Variants in PPFIBP1 observed in about 807,000 individuals in gnomAD.
PPFIBP1 encodes the protein PPFIB scaffold protein 1.
PPFIBP1 carries 112 observed loss-of-function variants against 137.8 expected under a neutral mutation model. That is an observed-to-expected ratio of 0.81 (90% confidence interval 0.70 to 0.95). PPFIBP1 has a LOEUF of 0.95. Among genes scored for constraint, PPFIBP1 ranks in the 40% least tolerant of loss-of-function variants. The pLI, the probability that PPFIBP1 is intolerant of heterozygous loss-of-function variation, is 0.00. For synonymous variants in PPFIBP1, 378 were observed against 417.3 expected (o/e 0.91, Z 1.15); for missense variants, 1,083 against 1,196.6 (o/e 0.91, Z 1.40).
rs765356805 is a variant in PPFIBP1, at chr12:27,664,327, A to G, written c.907-35A>G. 6 of 1,359,318 alleles carry G rather than the reference A, an allele frequency of 4.4e-6. No homozygotes were observed. In the East Asian group the frequency reaches 1.2e-4, roughly 27 times the overall value. The allele number at this position is 1,359,318 out of a possible 1,614,324, so 84.2% of individuals were successfully genotyped here. ...GAATTACTATTACTCTTTTAAGAACATAGGATTAAAGATTACAATTTATTT... is the reference window on the plus strand; with the variant it reads ...GAATTACTATTACTCTTTTAAGAACGTAGGATTAAAGATTACAATTTATTT... On this transcript the variant is annotated intron_variant, in intron 11 of 29. Transcript: ENST00000228425.
intron 2 of PPFIBP1, among the ~76,000 whole-genome samples, chr12:27,609,587 T>G (rs2054873496): frequency 6.6e-6 from 1 of 152,222 alleles, no homozygotes; most frequent in African/African-American, 2.4e-5. Context: ...AGGGAGATTT[T>G]TTTTAGAAAC....
intron 2 of PPFIBP1, among the ~76,000 whole-genome samples, chr12:27,611,805 T>A (rs1321151548): frequency 6.6e-6 from 1 of 151,822 alleles, no homozygotes; most frequent in African/African-American, 2.4e-5. Context: ...TCTCTCTCTC[T>A]CTCTCTCTCT....
intron 1 of PPFIBP1, among the ~76,000 whole-genome samples, chr12:27,575,465 G>C (rs1004448645): frequency 6.6e-6 from 1 of 152,164 alleles, no homozygotes; most frequent in Non-Finnish European, 1.5e-5. Context: ...ATAGCAAAGG[G>C]ATTTAGAAAA....
intron 2 of PPFIBP1, among the ~76,000 whole-genome samples, chr12:27,607,583 G>T (rs543642889): frequency 6.6e-6 from 1 of 152,244 alleles, no homozygotes; most frequent in South Asian, 2.1e-4. Context: ...GTAGGTGTGG[G>T]GTGGAGCCTG....
intron 2 of PPFIBP1, among the ~76,000 whole-genome samples, chr12:27,613,939 G>A (rs576530158): frequency 6.6e-5 from 10 of 152,220 alleles, no homozygotes; most frequent in Non-Finnish European, 1.0e-4. Context: ...CGTCCATACA[G>A]CACTGCTCCT....
intron 2 of PPFIBP1, among the ~76,000 whole-genome samples, chr12:27,621,829 A>G (rs540714262): frequency 2.3e-4 from 35 of 152,366 alleles, no homozygotes; most frequent in Admixed American, 1.9e-3. Flanking sequence ...AAGTTCTTGC[A>G]GCTTTTTAAT....
chr12:27,527,236 AC>A (rs1469490987), intron 1 of PPFIBP1, among the ~76,000 whole-genome samples: 1 of 151,452 alleles, frequency 6.6e-6, no homozygotes, highest in Non-Finnish European at 1.5e-5. Context: ...CTCATTCAGC[AC>A]TCTGTCTTTT....
At chr12:27,647,378 A>T (rs1237430128) in intron 5 of PPFIBP1, among the ~76,000 whole-genome samples, 2 of 151,854 alleles carry the variant, frequency 1.3e-5, no homozygotes, top group Non-Finnish European at 2.9e-5. Flanking sequence ...TTCTATTTCA[A>T]ACATTAACTT....
At chr12:27,634,847 C>T (rs754755837) in intron 3 of PPFIBP1, 63 bp from the exon 4 acceptor site, 370 of 1,423,008 alleles carry the variant, frequency 2.6e-4, no homozygotes, top group Non-Finnish European at 3.3e-4. Flanking sequence ...TTACCGCCTT[C>T]GGCTTTGGTA....
At chr12:27,610,888 T>C (rs931757250) in intron 2 of PPFIBP1, among the ~76,000 whole-genome samples, 2 of 149,002 alleles carry the variant, frequency 1.3e-5, no homozygotes, top group Non-Finnish European at 3.0e-5. Flanking sequence ...TTATTTTTCT[T>C]TTTTTTTTTG....
rs1012615474 is a variant in PPFIBP1, at chr12:27,681,551, T to G, written c.1901T>G (p.Leu634Trp). ...AATTACTCATTTTCCTGTAGTGACT[T>G]GGATATGCCATTTGCCAAGTGGACC... is the stretch of plus-strand genomic sequence containing the variant. ...SRDLGQSNSDLDMPFAKWTKE... is the reference protein window; with the variant it reads ...SRDLGQSNSDWDMPFAKWTKE... The change falls in exon 22 of 30, where the codon TTG (leucine) becomes TGG (tryptophan). Residue 634 changes from leucine (L) to tryptophan (W), a missense_variant. By Grantham distance (61) the Leu-to-Trp change is moderately conservative (BLOSUM62 -2). Coordinates refer to ENST00000228425, the MANE Select transcript of PPFIBP1 (RefSeq NM_003622.4). The G allele has an allele frequency of 6.2e-7, 1 of 1,613,992 alleles. No homozygotes were observed.
chr12:27,592,611 C>A, intron 2 of PPFIBP1: 8 of 1,595,396 alleles, frequency 5.0e-6, no homozygotes, highest in Non-Finnish European at 6.9e-6. Context: ...GCTGCCTCAG[C>A]CAGCTGAAGG....
In PPFIBP1 at chr12:27,667,744, C is replaced by T. The variant is rs139130904; in HGVS notation, c.1146+424C>T. On this transcript the variant is annotated intron_variant, in intron 13 of 29. Coordinates refer to ENST00000228425, the MANE Select transcript of PPFIBP1 (RefSeq NM_003622.4). ...GGCATCAGCTGGAGTGGCGTGAAGGCCTGGGCCTGAGTCATCTGAAGGCTA... is the reference window on the plus strand; with the variant it reads ...GGCATCAGCTGGAGTGGCGTGAAGGTCTGGGCCTGAGTCATCTGAAGGCTA... Among the ~76,000 whole-genome samples, 884 of 152,258 alleles carry T rather than the reference C, an allele frequency of 5.8e-3. 4 individuals carry two copies. The highest frequency in any genetic ancestry group is 0.021 in the African/African-American group (853 of 41,544).
intron 2 of PPFIBP1, among the ~76,000 whole-genome samples, chr12:27,623,843 G>C (rs1209809455): frequency 6.6e-6 from 1 of 152,198 alleles, no homozygotes; most frequent in Non-Finnish European, 1.5e-5. Flanking sequence ...ATCAGAGTGT[G>C]TGTGTGTTTG....
intron 1 of PPFIBP1, among the ~76,000 whole-genome samples, chr12:27,573,145 A>G (rs181202087): frequency 6.6e-6 from 1 of 152,342 alleles, no homozygotes; most frequent in African/African-American, 2.4e-5. Flanking sequence ...TTCATCTACA[A>G]TTTGAAAATG....
chr12:27,667,309 G>A lies in PPFIBP1; in HGVS notation c.1135G>A (p.Val379Ile), dbSNP rs1444301335. The change falls in exon 13 of 30, where the codon GTT becomes ATT. Residue 379 changes from valine to isoleucine, a missense_variant. By Grantham distance (29) the Val-to-Ile change is conservative. Coordinates refer to ENST00000228425, the MANE Select transcript of PPFIBP1 (RefSeq NM_003622.4). ...SPSCDPFNTS[V>I]PEEFHTTILQ... The stretch of plus-strand genomic sequence containing the variant: ...CAGTTGTGACCCATTTAACACAAGT[G>A]TTCCCGAAGAGGTATTAATAGACTT... 2 of 1,600,762 alleles carry A rather than the reference G, an allele frequency of 1.2e-6. No individual in the cohort carries two copies. The highest frequency in any genetic ancestry group is 1.7e-6 in the Non-Finnish European group (2 of 1,175,896).
intron 26 of PPFIBP1, 23 bp from the exon 27 acceptor site, chr12:27,688,992 C>T: frequency 7.4e-7 from 1 of 1,353,186 alleles, no homozygotes; most frequent in South Asian, 1.3e-5. Context: ...TTTTGACAAG[C>T]TTTTTTTTTT....
chr12:27,646,380 A>G, intron 5 of PPFIBP1: 2 of 549,872 alleles, frequency 3.6e-6, no homozygotes, highest in Non-Finnish European at 3.4e-6. Context: ...ACCAGTCTGA[A>G]TACGGGCACA....
At chr12:27,679,893 C>T in intron 20 of PPFIBP1, 40 bp from the exon 21 acceptor site, 2 of 1,610,248 alleles carry the variant, frequency 1.2e-6, no homozygotes, top group Non-Finnish European at 8.5e-7. Flanking sequence ...TCTAAGGCCT[C>T]CTCAGGTCTA....
Sources: gnomAD v4.1 joint callset for allele counts (sites outside exome capture counted in the v4.1 genomes callset) on GRCh38, gnomAD v4.1.1 for gene constraint, MANE v1.5 for transcripts, NCBI Gene and HGNC (gene_info 2026-07-23, HGNC 2026-07-21) for gene names.